The following TIMELESS variants were observed in gnomAD, a reference collection of about 807,000 sequenced individuals.
TIMELESS encodes timeless circadian regulator, also known as protein timeless homolog.
Under a neutral mutation model 164.3 loss-of-function variants are expected in TIMELESS, and 124 were observed. The observed-to-expected ratio is 0.75, with a 90% confidence interval of 0.65 to 0.88. The LOEUF is 0.88. Among genes scored for constraint, TIMELESS ranks in the 40% least tolerant of loss-of-function variants. The pLI is 0.00. For synonymous variants in TIMELESS, 564 were observed against 563.4 expected (o/e 1.00, Z -0.02); for missense variants, 1,422 against 1,491.4 (o/e 0.95, Z 0.77).
At chr12:56,428,742 G>A (rs1428424555) in intron 11 of TIMELESS, 90 bp from the exon 12 acceptor site, 12 of 1,409,644 alleles carry the variant, frequency 8.5e-6, no homozygotes, top group East Asian at 2.3e-5. Flanking sequence ...AAAAAAAAAT[G>A]TGCCACCCAA....
chr12:56,418,129 A>G lies in TIMELESS; in HGVS notation c.3454+5T>C, dbSNP rs1881330282. 1.2e-6 allele frequency: 2 copies of G among 1,614,148 alleles called. No individual in the cohort carries two copies. Among genetic ancestry groups the G allele is most frequent in the South Asian group, 1.1e-5 (1 of 91,080 alleles). On this transcript the variant is annotated splice_donor_5th_base_variant and intron_variant, in intron 27 of 28. Transcript: ENST00000553532. Reference sequence around the variant, plus strand: ...ATACTCAGAAGATGGCTGTCGCACTATTACCCTCTGGGGATGCCAGGCCCG... The same window carrying G: ...ATACTCAGAAGATGGCTGTCGCACTGTTACCCTCTGGGGATGCCAGGCCCG...
In TIMELESS at chr12:56,433,889, C is replaced by T; in HGVS notation, c.135G>A (p.Glu45=). ...GCTGCCGCACATCTCGTGTCTCATCCTCATGCCTCAAATAGCGGATCAGAT... is the reference window on the plus strand; with the variant it reads ...GCTGCCGCACATCTCGTGTCTCATCTTCATGCCTCAAATAGCGGATCAGAT... ...VKDLIRYLRH[E]DETRDVRQQL... is the part of the protein sequence containing the mutation. The change falls in exon 3 of 29, where the codon GAG becomes GAA. Residue 45 remains glutamate (E), a synonymous_variant. Coordinates refer to ENST00000553532, the MANE Select transcript of TIMELESS (RefSeq NM_003920.5). 2 of 1,613,674 alleles carry T rather than the reference C, an allele frequency of 1.2e-6. No individual in the cohort carries two copies. The highest frequency in any genetic ancestry group is 1.3e-5 in the African/African-American group (1 of 75,016).
intron 1 of TIMELESS, among the ~76,000 whole-genome samples, chr12:56,439,188 A>AAAAAAAAAAAAAAAAAAC (rs1882173011): frequency 6.8e-6 from 1 of 147,794 alleles, no homozygotes; most frequent in Non-Finnish European, 1.5e-5. Flanking sequence ...AAAAAAAAAA[A>AAAAAAAAAAAAAAAAAAC]AAAAAAAAGA....
intron 26 of TIMELESS, 84 bp from the exon 27 acceptor site, chr12:56,418,443 A>T: frequency 1.0e-6 from 1 of 965,804 alleles, no homozygotes; most frequent in East Asian, 2.5e-5. Context: ...ATATGACCCA[A>T]TATTGGTGAA....
At chr12:56,445,381 C>G (rs531300128) in intron 1 of TIMELESS, among the ~76,000 whole-genome samples, 15 of 126,330 alleles carry the variant, frequency 1.2e-4, no homozygotes, top group African/African-American at 4.4e-4. Flanking sequence ...GAGATCGCAC[C>G]ATTGCACTCC....
chr12:56,433,177 T>C, intron 5 of TIMELESS, 50 bp from the exon 6 acceptor site: 2 of 1,572,418 alleles, frequency 1.3e-6, no homozygotes, highest in Non-Finnish European at 1.8e-6. Context: ...AGGCAGGCAG[T>C]ATGTACTCTG....
Position 56,438,777 on chromosome 12 carries a change from CAAAAAAAAAAAAAAAA to C in TIMELESS, c.-61-4562_-61-4547del, listed in dbSNP as rs34222190. ...TAGATGACAGAGCAAAGCTCTGTCT[CAAAAAAAAAAAAAAAA>C]AAAAAAAAAAAAGGAATGGAATACT... On this transcript the variant is annotated intron_variant, in intron 1 of 28. Coordinates refer to ENST00000553532, the MANE Select transcript of TIMELESS (RefSeq NM_003920.5). 1.9e-4 allele frequency among the ~76,000 whole-genome samples: 9 copies of C among 48,478 alleles called. No homozygotes were observed. The South Asian group carries it at 6.2e-3, about 33-fold the overall frequency. The allele number at this position is 48,478 out of a possible 152,430, so 31.8% of individuals were successfully genotyped here.
chr12:56,448,613 C>CA (rs1868436601), intron 1 of TIMELESS, among the ~76,000 whole-genome samples: 1 of 151,264 alleles, frequency 6.6e-6, no homozygotes, highest in Non-Finnish European at 1.5e-5. Flanking sequence ...CCTGTAATCC[C>CA]AGCTACTCAG....
In TIMELESS at chr12:56,433,894, G is replaced by T. The variant is rs765033634; in HGVS notation, c.130C>A (p.His44Asn). Residue 44 changes from histidine to asparagine, a missense_variant, in exon 3 of 29, where the codon CAT (histidine) becomes AAT (asparagine). His to Asn is a moderately conservative substitution (Grantham distance 68). Coordinates refer to ENST00000553532, the MANE Select transcript of TIMELESS (RefSeq NM_003920.5). ...SVKDLIRYLR[H>N]EDETRDVRQQ... ...CGCACATCTCGTGTCTCATCCTCAT[G>T]CCTCAAATAGCGGATCAGATCCTTC... 6.2e-7 allele frequency: 1 copy of T among 1,613,932 alleles called. No homozygotes were observed. The highest frequency in any genetic ancestry group is 8.5e-7 in the Non-Finnish European group (1 of 1,179,994).
rs142212258 is a variant in TIMELESS at position 56,432,974 on chromosome 12, A to AAAAAG, written c.531+51_531+52insCTTTT. 2.3e-4 allele frequency: 221 copies of AAAAAG among 946,376 alleles called. 3 individuals carry two copies. Among genetic ancestry groups the AAAAAG allele is most frequent in the Middle Eastern group, 4.6e-4 (2 of 4,328 alleles). The allele number at this position is 946,376 out of a possible 1,614,324, so 58.6% of individuals were successfully genotyped here. On this transcript the variant is annotated intron_variant, in intron 6 of 28. Transcript: ENST00000553532. ...GTCTCAAAAAAAAAAAAAAAAAAAA[A>AAAAAG]GGCAGCTCAACCTAACCATGCACAA...
At position 56,423,224 on chromosome 12, in the gene TIMELESS, C is replaced by T. The variant is rs1401984389; in HGVS notation, c.2292+50G>A. 4 of 1,591,386 alleles carry T rather than the reference C, an allele frequency of 2.5e-6. No individual in the cohort carries two copies. The African/African-American group carries it at 4.0e-5, about 16-fold the overall frequency. On this transcript the variant is annotated intron_variant, in intron 18 of 28. Coordinates refer to ENST00000553532, the MANE Select transcript of TIMELESS (RefSeq NM_003920.5). ...TATCTCCTGAAGATTATTTATTTACCTGAGGGTTCCCATACCCTTCCAGAA... is the reference window on the plus strand; with the variant it reads ...TATCTCCTGAAGATTATTTATTTACTTGAGGGTTCCCATACCCTTCCAGAA...
chr12:56,448,404 T>C (rs548629781), intron 1 of TIMELESS, among the ~76,000 whole-genome samples: 1 of 145,086 alleles, frequency 6.9e-6, no homozygotes, highest in East Asian at 2.1e-4. Flanking sequence ...AGACTCCATC[T>C]CAAAAACAAA....
Position 56,433,290 on chromosome 12 carries a change from G to T in TIMELESS, c.429+91C>A, listed in dbSNP as rs138769227. 5.2e-4 allele frequency: 761 copies of T among 1,476,674 alleles called. 2 individuals carry two copies. The African/African-American group carries it at 9.3e-3, about 18-fold the overall frequency. 91.5% of individuals were successfully genotyped at this position (1,476,674 alleles called of 1,614,324 possible). ...TGGATCGGACTACCACATCCCCAAG[G>T]ACTGGGACCATATCTCAGCATCTCC... On this transcript the variant is annotated intron_variant, in intron 5 of 28. Transcript: ENST00000553532.
rs371723339 is a variant in TIMELESS, at chr12:56,420,604, G to A, written c.3193C>T (p.Arg1065Cys). Residue 1065 changes from arginine (R) to cysteine (C), a missense_variant, in exon 26 of 29, where the codon CGC becomes TGC. Physicochemically the swap from Arg to Cys is radical, Grantham distance 180 (BLOSUM62 -3). Coordinates refer to ENST00000553532, the MANE Select transcript of TIMELESS (RefSeq NM_003920.5). ...MENEQFQQLL[R>C]KLGVRPPASG... is the part of the protein sequence containing the mutation. ...GCAGGGGGCCGAACCCCTAGCTTGC[G>A]CAACAGCTGCTGAAACTGTTCGTTT... The A allele has an allele frequency of 1.5e-5, 24 of 1,614,198 alleles. No homozygotes were observed. The highest frequency in any genetic ancestry group is 6.7e-5 in the East Asian group (3 of 44,888).
At position 56,434,122 on chromosome 12, in the gene TIMELESS, G is replaced by A; in HGVS notation, c.49C>T (p.Leu17Phe). ...TAAGTGTCTCCCTCCAAGTACCCAA[G>A]GGCACTACATGTGGCTAGAAGTTCA... ...NCELLATCSA[L>F]GYLEGDTYHK... The change falls in exon 2 of 29, where the codon CTT becomes TTT. Residue 17 changes from leucine to phenylalanine, a missense_variant. Leu to Phe is a conservative substitution (Grantham distance 22). Transcript: ENST00000553532. 1 of 1,614,136 alleles carries A rather than the reference G, an allele frequency of 6.2e-7. No homozygotes were observed. The highest frequency in any genetic ancestry group is 8.5e-7 in the Non-Finnish European group (1 of 1,180,036).
chr12:56,447,603 T>G (rs1207140136), intron 1 of TIMELESS, among the ~76,000 whole-genome samples: 1 of 152,174 alleles, frequency 6.6e-6, no homozygotes, highest in African/African-American at 2.4e-5. Flanking sequence ...TCCTTAGGAC[T>G]TGAGTTCCTT....
intron 10 of TIMELESS, 146 bp downstream of exon 10, chr12:56,429,959 T>A: frequency 5.7e-6 from 4 of 696,170 alleles, no homozygotes; most frequent in Non-Finnish European, 9.0e-6. Context: ...CTCAGGGACA[T>A]CCTAACTGTA....
chr12:56,442,083 CA>C (rs34126247), intron 1 of TIMELESS, among the ~76,000 whole-genome samples: 2 of 94,358 alleles, frequency 2.1e-5, no homozygotes, highest in Admixed American at 1.3e-4. Flanking sequence ...GACTCCGTCT[CA>C]AAAAAAAAAA....
At chr12:56,425,369 C>A (rs1471187696) in intron 13 of TIMELESS, among the ~76,000 whole-genome samples, 3 of 152,128 alleles carry the variant, frequency 2.0e-5, no homozygotes, top group African/African-American at 7.2e-5. Context: ...GGTAATTACA[C>A]TAGAGTGTGG....
Sources: allele counts gnomAD v4.1 joint callset (sites outside exome capture counted in the v4.1 genomes callset), GRCh38; gene constraint gnomAD v4.1.1; transcripts MANE v1.5; gene names NCBI Gene and HGNC (gene_info 2026-07-23, HGNC 2026-07-21).